The following ROBO2 variants were observed in gnomAD, a reference collection of about 807,000 sequenced individuals.
The protein encoded by ROBO2 is roundabout guidance receptor 2, also known as roundabout homolog 2.
ROBO2 carries 53 observed loss-of-function variants against 160.8 expected under a neutral mutation model. That is an observed-to-expected ratio of 0.33 (90% CI 0.26 to 0.41). The LOEUF (loss-of-function observed/expected upper bound fraction) is 0.41, where lower values mean the gene tolerates loss of function less well. ROBO2 is among the 10% of genes least tolerant of loss of function. The pLI, the probability that ROBO2 is intolerant of heterozygous loss-of-function variation, is 1.00. For synonymous variants in ROBO2, 664 were observed against 611.7 expected, an observed-to-expected ratio of 1.09 and a Z score of -1.26; for missense variants, 1,577 against 1,722.4, an observed-to-expected ratio of 0.92 and a Z score of 1.49.
At chr3:77,452,392 A>G (rs75308498) in intron 2 of ROBO2, among the ~76,000 whole-genome samples, 4,663 of 152,272 alleles carry the variant, frequency 0.031, 100 homozygotes, top group South Asian at 0.076. Flanking sequence ...CCTTCTGAGC[A>G]TATATATAGT....
intron 2 of ROBO2, among the ~76,000 whole-genome samples, chr3:77,448,578 TGG>T (rs751726235): frequency 0.031 from 4,660 of 152,280 alleles, 101 homozygotes; most frequent in East Asian, 0.077. Context: ...AGTTAACTAA[TGG>T]ATACACCTTT....
upstream of ROBO2, among the ~76,000 whole-genome samples, chr3:77,038,854 T>C (rs2063796171): frequency 6.6e-6 from 1 of 152,248 alleles, no homozygotes; most frequent in African/African-American, 2.4e-5. Flanking sequence ...GGCTTCTTTT[T>C]GAGCTTCCAT....
intron 2 of ROBO2, among the ~76,000 whole-genome samples, chr3:76,360,527 C>G (rs1056926233): frequency 6.6e-6 from 1 of 152,022 alleles, no homozygotes; most frequent in African/African-American, 2.4e-5. Context: ...AACTTTTAAA[C>G]AAAATAAACT....
At chr3:76,695,061 G>A (rs963203996) in intron 2 of ROBO2, among the ~76,000 whole-genome samples, 1 of 152,136 alleles carries the variant, frequency 6.6e-6, no homozygotes. Flanking sequence ...CCGAGATAGT[G>A]CCATTGCACT....
At chr3:76,385,800 T>C (rs2076855492) in intron 2 of ROBO2, among the ~76,000 whole-genome samples, 1 of 152,084 alleles carries the variant, frequency 6.6e-6, no homozygotes, top group Admixed American at 6.5e-5. Context: ...AAAGACTGAT[T>C]TAAGTGGAGA....
intron 2 of ROBO2, among the ~76,000 whole-genome samples, chr3:77,362,162 A>G (rs1156554660): frequency 6.6e-6 from 1 of 152,190 alleles, no homozygotes; most frequent in Non-Finnish European, 1.5e-5. Flanking sequence ...AAAGAAAACA[A>G]TCAGTCAATG....
At chr3:76,760,646 T>C (rs1371685644) in intron 2 of ROBO2, among the ~76,000 whole-genome samples, 4 of 151,842 alleles carry the variant, frequency 2.6e-5, no homozygotes, top group African/African-American at 9.6e-5. Flanking sequence ...ACACATTTTA[T>C]ATTTTCTACG....
At chr3:76,146,663 C>T (rs1338752876) in intron 2 of ROBO2, among the ~76,000 whole-genome samples, 1 of 150,312 alleles carries the variant, frequency 6.7e-6, no homozygotes, top group Non-Finnish European at 1.5e-5. Context: ...TATTAATAGT[C>T]CCCATTCTCA....
At chr3:76,797,597 AAATC>A (rs1281083242) in intron 2 of ROBO2, among the ~76,000 whole-genome samples, 1 of 151,928 alleles carries the variant, frequency 6.6e-6, no homozygotes, top group Non-Finnish European at 1.5e-5. Context: ...AGAAAAAAGA[AAATC>A]AAAACAAAAA....
chr3:77,128,018 T>G (rs1333283238), intron 2 of ROBO2, among the ~76,000 whole-genome samples: 1 of 151,972 alleles, frequency 6.6e-6, no homozygotes, highest in Non-Finnish European at 1.5e-5. Flanking sequence ...GGTTCTAAAC[T>G]TATAAGGGTG....
intron 2 of ROBO2, among the ~76,000 whole-genome samples, chr3:76,142,021 T>G (rs566486564): frequency 2.0e-4 from 31 of 152,082 alleles, no homozygotes; most frequent in African/African-American, 7.5e-4. Context: ...GTGTCAATAG[T>G]TTAGTGGCTG....
At chr3:77,153,082 T>G (rs1262836861) in intron 2 of ROBO2, among the ~76,000 whole-genome samples, 1 of 152,160 alleles carries the variant, frequency 6.6e-6, no homozygotes, top group Non-Finnish European at 1.5e-5. Flanking sequence ...TAGTCTTTAT[T>G]TCTTTTGATG....
chr3:76,292,553 T>C (rs1377445152), intron 2 of ROBO2, among the ~76,000 whole-genome samples: 1 of 152,190 alleles, frequency 6.6e-6, no homozygotes, highest in African/African-American at 2.4e-5. Context: ...GAAGGACCTG[T>C]GATGTTTGTC....
intron 2 of ROBO2, among the ~76,000 whole-genome samples, chr3:77,196,985 T>C: frequency 7.9e-6 from 1 of 127,134 alleles, no homozygotes; most frequent in East Asian, 2.7e-4. Context: ...AAGAAGAAGG[T>C]AGAGAAAAAA....
intron 2 of ROBO2, among the ~76,000 whole-genome samples, chr3:76,631,662 CA>C (rs2090038916): frequency 6.6e-6 from 1 of 151,990 alleles, no homozygotes; most frequent in East Asian, 1.9e-4. Context: ...AATCCTTTTG[CA>C]TAGAGTTAGA....
intron 2 of ROBO2, among the ~76,000 whole-genome samples, chr3:77,285,153 G>T (rs2060495593): frequency 6.6e-6 from 1 of 152,134 alleles, no homozygotes; most frequent in Non-Finnish European, 1.5e-5. Context: ...GGGGCATAGG[G>T]TATTAATGGT....
At chr3:76,445,395 G>A (rs1212855177) in intron 2 of ROBO2, among the ~76,000 whole-genome samples, 3 of 152,094 alleles carry the variant, frequency 2.0e-5, no homozygotes, top group Non-Finnish European at 4.4e-5. Flanking sequence ...AAAAAATGCT[G>A]AGACACTTAG....
intron 2 of ROBO2, among the ~76,000 whole-genome samples, chr3:76,050,909 A>G (rs73841099): frequency 0.021 from 3,175 of 152,324 alleles, 44 homozygotes; most frequent in East Asian, 0.081. Flanking sequence ...AAGATTAAAG[A>G]CAACTATTCC....
chr3:76,840,665 A>C (rs2068164199), intron 2 of ROBO2, among the ~76,000 whole-genome samples: 2 of 134,528 alleles, frequency 1.5e-5, no homozygotes, highest in Non-Finnish European at 3.2e-5. Context: ...ATATATATAT[A>C]TATATATATA....
Sources: allele counts gnomAD v4.1 joint callset (sites outside exome capture counted in the v4.1 genomes callset), GRCh38; gene constraint gnomAD v4.1.1; transcripts MANE v1.5; gene names NCBI Gene and HGNC (gene_info 2026-07-23, HGNC 2026-07-21).